SEMA3A: variants seen among roughly 807,000 people sequenced by gnomAD.
SEMA3A encodes semaphorin-3A.
In SEMA3A, 29 loss-of-function variants were observed where a neutral mutation model predicts 97.9. The ratio of observed to expected loss-of-function variants is 0.30; its 90% CI spans 0.22 to 0.40. The LOEUF (loss-of-function observed/expected upper bound fraction) is 0.40. SEMA3A is among the 10% of genes least tolerant of loss of function. The pLI, the probability that SEMA3A is intolerant of heterozygous loss-of-function variation, is 1.00. For missense variants in SEMA3A, 763 were observed against 951.3 expected, an observed-to-expected ratio of 0.80 and a Z score of 2.60; for synonymous variants, 321 against 323.7, an observed-to-expected ratio of 0.99 and a Z score of 0.09.
At chr7:84,265,306 T>A (rs1799963244) in intron 3 of SEMA3A, among the ~76,000 whole-genome samples, 1 of 151,788 alleles carries the variant, frequency 6.6e-6, no homozygotes, top group Non-Finnish European at 1.5e-5. Flanking sequence ...AATTCCAGAA[T>A]GGAGCACAGC....
intron 1 of SEMA3A, among the ~76,000 whole-genome samples, chr7:84,178,849 A>C (rs1044851359): frequency 4.6e-5 from 7 of 152,102 alleles, no homozygotes; most frequent in African/African-American, 1.7e-4. Context: ...ATGTCTTAGC[A>C]AACTAAAATA....
At chr7:84,105,003 A>G (rs1795066176) in intron 4 of SEMA3A, among the ~76,000 whole-genome samples, 1 of 152,124 alleles carries the variant, frequency 6.6e-6, no homozygotes, top group South Asian at 2.1e-4. Flanking sequence ...CATAGTGCAA[A>G]TGAGGGATAT....
chr7:84,155,188 A>C (rs1796804003), intron 1 of SEMA3A, among the ~76,000 whole-genome samples: 1 of 152,010 alleles, frequency 6.6e-6, no homozygotes, highest in Non-Finnish European at 1.5e-5. Context: ...ATCTATCAGC[A>C]CTCTTCCCCG....
At chr7:84,172,620 G>A (rs1410829830) in intron 1 of SEMA3A, among the ~76,000 whole-genome samples, 1 of 152,004 alleles carries the variant, frequency 6.6e-6, no homozygotes, top group Non-Finnish European at 1.5e-5. Flanking sequence ...TAGAGACGGG[G>A]TTTCACTCTG....
intron 1 of SEMA3A, among the ~76,000 whole-genome samples, chr7:84,462,162 C>A (rs963476730): frequency 4.6e-5 from 7 of 151,900 alleles, no homozygotes; most frequent in African/African-American, 1.2e-4. Context: ...CAGCATTAAG[C>A]ATTGACATGT....
intron 6 of SEMA3A, among the ~76,000 whole-genome samples, chr7:84,032,728 C>G (rs1791805830): frequency 6.6e-6 from 1 of 151,506 alleles, no homozygotes; most frequent in Non-Finnish European, 1.5e-5. Flanking sequence ...TTGAACTTTT[C>G]TAATTGTAAT....
rs966714947 is a variant in SEMA3A at position 84,012,546 on chromosome 7, T to C, written c.811-1249A>G. ...GAGTATTTAATGAATGGATGATAAA[T>C]ATATGCCTTAAATACACATACAAAA... On this transcript the variant is annotated intron_variant, in intron 7 of 16. Coordinates refer to ENST00000265362, the MANE Select transcript of SEMA3A (RefSeq NM_006080.3). Among the ~76,000 whole-genome samples the C allele has an allele frequency of 8.5e-5, 13 of 152,308 alleles. 1 individual carries two copies. The highest frequency in any genetic ancestry group is 7.8e-4 in the Admixed American group (12 of 15,298).
intron 1 of SEMA3A, among the ~76,000 whole-genome samples, chr7:84,403,370 G>C (rs983795850): frequency 6.6e-6 from 1 of 152,240 alleles, no homozygotes; most frequent in Non-Finnish European, 1.5e-5. Flanking sequence ...CCATTGCCCA[G>C]GCTTGAGTAG....
intron 3 of SEMA3A, among the ~76,000 whole-genome samples, chr7:84,128,203 C>A (rs543515799): frequency 6.6e-6 from 1 of 151,770 alleles, no homozygotes; most frequent in Admixed American, 6.6e-5. Flanking sequence ...ATTCCTATTG[C>A]ATGGTCCTTT....
chr7:84,334,969 C>T (rs1026922955), intron 2 of SEMA3A, among the ~76,000 whole-genome samples: 1 of 152,026 alleles, frequency 6.6e-6, no homozygotes, highest in Non-Finnish European at 1.5e-5. Flanking sequence ...TTTATCTTGA[C>T]ATTTTTTGTG....
chr7:83,962,721 T>C (rs561187726), intron 16 of SEMA3A, among the ~76,000 whole-genome samples: 1 of 152,284 alleles, frequency 6.6e-6, no homozygotes, highest in South Asian at 2.1e-4. Flanking sequence ...CATCAATAGT[T>C]GATATCAGAG....
chr7:84,438,474 A>G (rs1355237901), intron 1 of SEMA3A, among the ~76,000 whole-genome samples: 2 of 152,138 alleles, frequency 1.3e-5, no homozygotes, highest in Non-Finnish European at 2.9e-5. Context: ...TGGTAGTTAC[A>G]TAGCTAAATT....
At chr7:84,143,866 CATT>C (rs1210528866) in intron 1 of SEMA3A, among the ~76,000 whole-genome samples, 1 of 149,608 alleles carries the variant, frequency 6.7e-6, no homozygotes, top group Non-Finnish European at 1.5e-5. Flanking sequence ...TGGTCATCAT[CATT>C]ATTATCATCA....
intron 3 of SEMA3A, among the ~76,000 whole-genome samples, chr7:84,126,993 A>G (rs1795818775): frequency 1.3e-5 from 2 of 152,096 alleles, no homozygotes; most frequent in South Asian, 4.1e-4. Context: ...TAGGGATAGT[A>G]TAAAATTTGA....
intron 15 of SEMA3A, among the ~76,000 whole-genome samples, chr7:83,965,896 G>A (rs1788677256): frequency 6.7e-6 from 1 of 149,548 alleles, no homozygotes; most frequent in Non-Finnish European, 1.5e-5. Context: ...AGCCAGGATG[G>A]TCTCGATCTC....
chr7:83,975,195 T>C (rs1197030048), intron 15 of SEMA3A, among the ~76,000 whole-genome samples: 1 of 152,126 alleles, frequency 6.6e-6, no homozygotes, highest in African/African-American at 2.4e-5. Context: ...TTTTTCCCCA[T>C]ATATATTTAC....
chr7:84,368,269 GT>G (rs987642509), intron 2 of SEMA3A, among the ~76,000 whole-genome samples: 3 of 150,896 alleles, frequency 2.0e-5, no homozygotes, highest in African/African-American at 4.8e-5. Context: ...AAAGAACTCA[GT>G]TTTTTTTATG....
chr7:83,983,241 T>C (rs563652484), intron 13 of SEMA3A, among the ~76,000 whole-genome samples: 2 of 151,334 alleles, frequency 1.3e-5, no homozygotes, highest in South Asian at 2.1e-4. Flanking sequence ...TTCTTTCTTT[T>C]CTTTCTCTTC....
chr7:84,464,874 T>C (rs1272440585), intron 1 of SEMA3A, among the ~76,000 whole-genome samples: 1 of 152,190 alleles, frequency 6.6e-6, no homozygotes, highest in African/African-American at 2.4e-5. Context: ...CAGGAGCATG[T>C]ATTCCTATCA....
Sources: allele counts gnomAD v4.1 joint callset (sites outside exome capture counted in the v4.1 genomes callset), GRCh38; gene constraint gnomAD v4.1.1; transcripts MANE v1.5; gene names NCBI Gene and HGNC (gene_info 2026-07-23, HGNC 2026-07-21).